The following TRMT11 variants were observed in gnomAD, a reference collection of about 807,000 sequenced individuals.
TRMT11 encodes tRNA methyltransferase 11, also known as tRNA (guanine(10)-N(2))-methyltransferase TRMT11.
A neutral mutation model predicts 62.8 loss-of-function variants in TRMT11; 53 were observed. That is an observed-to-expected ratio of 0.84 (90% CI 0.68 to 1.06). TRMT11 has a LOEUF of 1.06. Among genes scored for constraint, TRMT11 ranks in the 50% least tolerant of loss-of-function variants. TRMT11 has a pLI of 0.00. For missense variants in TRMT11, 556 were observed against 553.4 expected, an observed-to-expected ratio of 1.00 and a Z score of -0.05; for synonymous variants, 188 against 190.3, an observed-to-expected ratio of 0.99 and a Z score of 0.10.
intron 21 of TRMT11, among the ~76,000 whole-genome samples, chr6:126,140,847 T>A (rs1006345452): frequency 6.6e-6 from 1 of 152,066 alleles, no homozygotes; most frequent in African/African-American, 2.4e-5. Flanking sequence ...ATTTTGCTTT[T>A]AAAAAAATCA....
chr6:126,014,583 G>A (rs1794712056), intron 11 of TRMT11, among the ~76,000 whole-genome samples: 1 of 152,154 alleles, frequency 6.6e-6, no homozygotes, highest in Middle Eastern at 3.2e-3. Flanking sequence ...TTATACAGTG[G>A]TAACTGTCTT....
At chr6:126,244,250 A>AT in the TRMT11 span, among the ~76,000 whole-genome samples, 2 of 151,928 alleles carry the variant, frequency 1.3e-5, no homozygotes, top group Non-Finnish European at 1.5e-5. Context: ...AATCATTAGT[A>AT]TTTTTTTATA....
chr6:126,258,238 G>A, the TRMT11 span: 179 of 616,358 alleles, frequency 2.9e-4, 1 homozygote, highest in South Asian at 6.4e-4. Context: ...CGTCTGTGCC[G>A]CCCGGGCCTC....
At chr6:126,030,555 A>G (rs983919302) in intron 12 of TRMT11, among the ~76,000 whole-genome samples, 16 of 152,162 alleles carry the variant, frequency 1.1e-4, no homozygotes, top group African/African-American at 3.9e-4. Context: ...GGCTTTCACT[A>G]TGGTGACAGC....
intron 12 of TRMT11, among the ~76,000 whole-genome samples, chr6:126,022,935 A>G (rs1796039560): frequency 1.3e-5 from 2 of 152,260 alleles, no homozygotes; most frequent in South Asian, 4.1e-4. Context: ...GAATCTTTGT[A>G]CTCATTCTAT....
chr6:126,110,696 G>A (rs761329542), intron 17 of TRMT11, among the ~76,000 whole-genome samples: 2 of 152,084 alleles, frequency 1.3e-5, no homozygotes, highest in Non-Finnish European at 2.9e-5. Flanking sequence ...GTGCATGTGC[G>A]TGCACACACA....
chr6:126,173,532 G>A (rs9491569), upstream of TRMT11, among the ~76,000 whole-genome samples: 126 of 152,272 alleles, frequency 8.3e-4, 1 homozygote, highest in African/African-American at 2.8e-3. Flanking sequence ...CAAGGCAGTC[G>A]GGGCAAGCAT....
chr6:126,172,511 A>G (rs1228723042), upstream of TRMT11, among the ~76,000 whole-genome samples: 1 of 152,236 alleles, frequency 6.6e-6, no homozygotes, highest in Non-Finnish European at 1.5e-5. Flanking sequence ...GCTCAGAATC[A>G]CATAAAGCCT....
At chr6:126,206,932 A>G (rs983260463), downstream of TRMT11, among the ~76,000 whole-genome samples, 3 of 152,208 alleles carry the variant, frequency 2.0e-5, no homozygotes, top group Non-Finnish European at 2.9e-5. Context: ...CTTTTAGCCA[A>G]GTATCCTTGT....
At chr6:126,052,699 A>G (rs747105889) in intron 16 of TRMT11, among the ~76,000 whole-genome samples, 25 of 152,242 alleles carry the variant, frequency 1.6e-4, no homozygotes, top group Admixed American at 5.2e-4. Flanking sequence ...TGCTGCCAGG[A>G]AAGTCATGAG....
At chr6:126,060,641 G>T (rs1583852521) in intron 17 of TRMT11, among the ~76,000 whole-genome samples, 1 of 152,230 alleles carries the variant, frequency 6.6e-6, no homozygotes, top group African/African-American at 2.4e-5. Context: ...GATGTGGCTA[G>T]TCACTGCTGG....
At chr6:126,008,536 A>G in intron 8 of TRMT11, 64 bp downstream of exon 8, 9 of 1,362,146 alleles carry the variant, frequency 6.6e-6, no homozygotes, top group Non-Finnish European at 9.4e-6. Context: ...CTTTAAACAT[A>G]CAGTTGACCC....
downstream of TRMT11, among the ~76,000 whole-genome samples, chr6:126,042,387 A>G (rs1344137011): frequency 1.3e-5 from 2 of 152,152 alleles, no homozygotes; most frequent in Non-Finnish European, 2.9e-5. Context: ...GCCCTTGTAG[A>G]CAGGGCTCTT....
intron 21 of TRMT11, among the ~76,000 whole-genome samples, chr6:126,128,967 T>C (rs1444189838): frequency 6.6e-6 from 1 of 151,616 alleles, no homozygotes; most frequent in Non-Finnish European, 1.5e-5. Flanking sequence ...TTTTTCTTGT[T>C]GTCTAGAGCC....
intron 17 of TRMT11, among the ~76,000 whole-genome samples, chr6:126,112,453 T>C (rs567652755): frequency 2.2e-4 from 33 of 152,260 alleles, no homozygotes; most frequent in African/African-American, 7.9e-4. Flanking sequence ...CAAAAGGCAG[T>C]TGGTTCCATT....
chr6:126,065,163 CTT>C (rs1011835340), intron 17 of TRMT11, among the ~76,000 whole-genome samples: 21 of 152,202 alleles, frequency 1.4e-4, no homozygotes, highest in African/African-American at 3.6e-4. Flanking sequence ...GAATATGAAA[CTT>C]TTTCTTTTAT....
intron 1 of TRMT11, among the ~76,000 whole-genome samples, chr6:126,197,424 C>G (rs1312975064): frequency 1.3e-5 from 2 of 152,120 alleles, no homozygotes; most frequent in African/African-American, 4.8e-5. Context: ...AATCTCTTTC[C>G]TAACATATTT....
chr6:126,223,298 G>A, the TRMT11 span, among the ~76,000 whole-genome samples: 1 of 152,236 alleles, frequency 6.6e-6, no homozygotes, highest in South Asian at 2.1e-4. Flanking sequence ...GTGGGCGCCT[G>A]TAGTCCCAGC....
chr6:126,172,578 C>T (rs1778342369), upstream of TRMT11, among the ~76,000 whole-genome samples: 1 of 152,184 alleles, frequency 6.6e-6, no homozygotes, highest in Admixed American at 6.5e-5. Flanking sequence ...TGAAGTAGGA[C>T]ATTTTCTTCA....
Sources: allele counts gnomAD v4.1 joint callset (sites outside exome capture counted in the v4.1 genomes callset), GRCh38; gene constraint gnomAD v4.1.1; transcripts MANE v1.5; gene names NCBI Gene and HGNC (gene_info 2026-07-23, HGNC 2026-07-21).